Variants in MARCHF3 observed in about 807,000 individuals in gnomAD.
MARCHF3 encodes the protein E3 ubiquitin-protein ligase MARCHF3.
In MARCHF3, 13 loss-of-function variants were observed where a neutral mutation model predicts 24.2. That is an observed-to-expected ratio of 0.54 (90% CI 0.35 to 0.85). The LOEUF (loss-of-function observed/expected upper bound fraction) is 0.85, where lower values mean the gene tolerates loss of function less well. MARCHF3 is among the 40% of genes least tolerant of loss of function. The probability of loss-of-function intolerance (pLI) is 0.01; values close to 1 mark genes in which losing one functional copy is unlikely to be tolerated. For synonymous variants in MARCHF3, 144 were observed against 137.3 expected, an observed-to-expected ratio of 1.05 and a Z score of -0.34; for missense variants, 276 against 325.0, an observed-to-expected ratio of 0.85 and a Z score of 1.16.
intron 1 of MARCHF3, among the ~76,000 whole-genome samples, chr5:126,965,789 T>G (rs1290354546): frequency 1.3e-5 from 2 of 152,196 alleles, no homozygotes; most frequent in Non-Finnish European, 2.9e-5. Context: ...AGTGGAAGTA[T>G]AAAATGGTGC....
chr5:126,879,601 T>C (rs987557655), intron 3 of MARCHF3, among the ~76,000 whole-genome samples: 1 of 152,232 alleles, frequency 6.6e-6, no homozygotes, highest in Non-Finnish European at 1.5e-5. Flanking sequence ...ACCTGCTTAA[T>C]GCTTGCTATA....
chr5:126,875,308 T>A (rs1008326537), intron 4 of MARCHF3, among the ~76,000 whole-genome samples: 1 of 152,090 alleles, frequency 6.6e-6, no homozygotes, highest in Non-Finnish European at 1.5e-5. Flanking sequence ...CATGAGGGTG[T>A]GTCAAGGCTG....
intron 1 of MARCHF3, among the ~76,000 whole-genome samples, chr5:126,933,392 C>T (rs547705186): frequency 6.6e-6 from 1 of 151,662 alleles, no homozygotes; most frequent in South Asian, 2.1e-4. Context: ...ATCACTATGG[C>T]AAATTCAATA....
At position 127,022,962 on chromosome 5, in the gene MARCHF3, G is replaced by C. The variant is rs375132772; in HGVS notation, c.-57+7388C>G. The stretch of plus-strand genomic sequence containing the variant: ...GCCCCATAAGATCCAATAGAAAAAG[G>C]CTATCCTAATGGCCTCTTCAGGTAG... On this transcript the variant is annotated intron_variant, in intron 1 of 4. Transcript: ENST00000308660. Among the ~76,000 whole-genome samples, 15 of 152,220 alleles carry C rather than the reference G, an allele frequency of 9.9e-5. No homozygotes were observed. The South Asian group carries it at 1.0e-3, about 11-fold the overall frequency.
chr5:126,868,490 C>G lies in MARCHF3; in HGVS notation c.*2143G>C, dbSNP rs546667448. 3 of 152,322 alleles carry G rather than the reference C, an allele frequency of 2.0e-5. No homozygotes were observed. The highest frequency in any genetic ancestry group is 7.2e-5 in the African/African-American group (3 of 41,540). 9.4% of individuals were successfully genotyped at this position (152,322 alleles called of 1,614,324 possible). ...ACAGGCACAGTTTTAATGTGCAAAC[C>G]CTTCCTAATGCAGGATCCCCATTGA... On this transcript the variant is annotated 3_prime_UTR_variant, in exon 5 of 5. Coordinates refer to ENST00000308660, the MANE Select transcript of MARCHF3 (RefSeq NM_178450.5).
intron 3 of MARCHF3, among the ~76,000 whole-genome samples, chr5:126,913,081 G>A (rs972220002): frequency 2.6e-5 from 4 of 152,232 alleles, no homozygotes; most frequent in Non-Finnish European, 4.4e-5. Context: ...CCCTGTGTAT[G>A]TGGGTACATG....
intron 1 of MARCHF3, among the ~76,000 whole-genome samples, chr5:126,939,692 G>A (rs1177840510): frequency 6.6e-6 from 1 of 152,180 alleles, no homozygotes; most frequent in East Asian, 1.9e-4. Flanking sequence ...CAGTAGTTAT[G>A]TTCTATACAT....
intron 1 of MARCHF3, among the ~76,000 whole-genome samples, chr5:126,983,368 C>T (rs1436129300): frequency 6.6e-6 from 1 of 152,170 alleles, no homozygotes; most frequent in Non-Finnish European, 1.5e-5. Flanking sequence ...TAGCCCTCTG[C>T]CCATGACCAG....
chr5:126,895,965 A>C (rs1003391670), intron 3 of MARCHF3, among the ~76,000 whole-genome samples: 4 of 152,092 alleles, frequency 2.6e-5, no homozygotes, highest in Non-Finnish European at 5.9e-5. Flanking sequence ...ATCAGCGAGA[A>C]TCCGTGGGTG....
At chr5:126,936,301 G>T (rs543523480) in intron 1 of MARCHF3, among the ~76,000 whole-genome samples, 1 of 152,114 alleles carries the variant, frequency 6.6e-6, no homozygotes, top group East Asian at 1.9e-4. Flanking sequence ...ACTTATGCAC[G>T]ATCTGCAGTA....
At chr5:127,030,160 G>A (rs901115162) in intron 1 of MARCHF3, 190 bp downstream of exon 1, 1 of 152,300 alleles carries the variant, frequency 6.6e-6, no homozygotes, top group African/African-American at 2.4e-5. Flanking sequence ...GGGCGGAGTT[G>A]GGATGCTTTG....
chr5:127,014,683 T>C (rs770084606), intron 1 of MARCHF3, among the ~76,000 whole-genome samples: 4 of 152,220 alleles, frequency 2.6e-5, no homozygotes, highest in Non-Finnish European at 4.4e-5. Context: ...GAGGACATTA[T>C]GTTAAGTAAA....
At chr5:126,903,763 T>C (rs975662433) in intron 3 of MARCHF3, among the ~76,000 whole-genome samples, 1 of 152,098 alleles carries the variant, frequency 6.6e-6, no homozygotes, top group Admixed American at 6.6e-5. Flanking sequence ...CTCTGCTCCC[T>C]ATGGTACACC....
chr5:126,873,864 C>G (rs1223266242), intron 4 of MARCHF3, among the ~76,000 whole-genome samples: 1 of 152,116 alleles, frequency 6.6e-6, no homozygotes, highest in Non-Finnish European at 1.5e-5. Flanking sequence ...CCAAGGAGAC[C>G]ACAGGTTTGC....
chr5:126,874,403 A>G (rs907371537), intron 4 of MARCHF3, among the ~76,000 whole-genome samples: 2 of 152,112 alleles, frequency 1.3e-5, no homozygotes, highest in Non-Finnish European at 2.9e-5. Flanking sequence ...CCTGACCAAC[A>G]TGGAGAAACC....
intron 3 of MARCHF3, among the ~76,000 whole-genome samples, chr5:126,905,985 G>A (rs1473207012): frequency 3.2e-4 from 49 of 151,878 alleles, no homozygotes; most frequent in African/African-American, 8.5e-4. Context: ...TTTGAGATAC[G>A]TCCCATCAAT....
chr5:126,961,175 T>G (rs568714299), intron 1 of MARCHF3, among the ~76,000 whole-genome samples: 1 of 152,250 alleles, frequency 6.6e-6, no homozygotes, highest in East Asian at 1.9e-4. Flanking sequence ...CCAGAAGTAC[T>G]GAAGAAAAGG....
intron 2 of MARCHF3, 122 bp downstream of exon 2, chr5:126,917,862 C>A: frequency 7.5e-6 from 7 of 931,846 alleles, no homozygotes; most frequent in African/African-American, 1.7e-5. Context: ...TTTTTTTTTC[C>A]AGCACCTCCT....
chr5:126,969,279 A>G (rs955060672), intron 1 of MARCHF3, among the ~76,000 whole-genome samples: 4 of 152,122 alleles, frequency 2.6e-5, no homozygotes, highest in African/African-American at 9.7e-5. Flanking sequence ...CCCAACATAT[A>G]TATGTTGGAT....
Sources: allele counts gnomAD v4.1 joint callset (sites outside exome capture counted in the v4.1 genomes callset), GRCh38; gene constraint gnomAD v4.1.1; transcripts MANE v1.5; gene names NCBI Gene and HGNC (gene_info 2026-07-23, HGNC 2026-07-21).